The following MCC variants were observed in gnomAD, a reference collection of about 807,000 sequenced individuals.
The protein encoded by MCC is MCC regulator of Wnt signaling pathway.
A neutral mutation model predicts 116.2 loss-of-function variants in MCC; 90 were observed. The ratio of observed to expected loss-of-function variants is 0.77; its 90% CI spans 0.65 to 0.92. MCC has a LOEUF of 0.92. Ranked by LOEUF, MCC falls within the 40% of genes least tolerant of loss-of-function variation. MCC has a pLI of 0.00. For missense variants in MCC, 1,516 were observed against 1,312.2 expected (o/e 1.16, Z -2.40); for synonymous variants, 578 against 510.5 (o/e 1.13, Z -1.78).
At chr5:113,080,815 C>CAAAA (rs1236332931) in intron 11 of MCC, among the ~76,000 whole-genome samples, 8 of 110,738 alleles carry the variant, frequency 7.2e-5, no homozygotes, top group East Asian at 2.4e-4. Context: ...ACAACAACAA[C>CAAAA]AAAAAAAAAA....
chr5:113,050,747 T>A (rs1271825704), intron 15 of MCC, among the ~76,000 whole-genome samples: 1 of 152,080 alleles, frequency 6.6e-6, no homozygotes, highest in Non-Finnish European at 1.5e-5. Context: ...AAGAGAAACC[T>A]ATGGGTGCCA....
chr5:113,212,591 T>C (rs1290012260), intron 3 of MCC, among the ~76,000 whole-genome samples: 1 of 152,228 alleles, frequency 6.6e-6, no homozygotes, highest in Non-Finnish European at 1.5e-5. Flanking sequence ...TATTGTACAA[T>C]GCCAATATTG....
chr5:113,105,081 G>T (rs915448025), intron 6 of MCC, among the ~76,000 whole-genome samples: 5 of 152,184 alleles, frequency 3.3e-5, no homozygotes, highest in African/African-American at 9.6e-5. Flanking sequence ...AGACAATTTT[G>T]TTGGGAAGAA....
intron 1 of MCC, among the ~76,000 whole-genome samples, chr5:113,422,944 A>G (rs1379875345): frequency 1.3e-5 from 2 of 152,218 alleles, no homozygotes; most frequent in Non-Finnish European, 2.9e-5. Context: ...CCCATGACTC[A>G]TGGATTCTGT....
chr5:113,038,489 G>A (rs959155428), intron 17 of MCC, among the ~76,000 whole-genome samples: 3 of 152,066 alleles, frequency 2.0e-5, no homozygotes, highest in Non-Finnish European at 4.4e-5. Flanking sequence ...CATGGCGCTA[G>A]GAACCAAAAA....
At chr5:113,232,446 C>A (rs1272804237) in intron 3 of MCC, among the ~76,000 whole-genome samples, 1 of 152,042 alleles carries the variant, frequency 6.6e-6, no homozygotes, top group Non-Finnish European at 1.5e-5. Flanking sequence ...ATGTCCACAC[C>A]CTTGCCCAAG....
intron 8 of MCC, among the ~76,000 whole-genome samples, chr5:113,091,526 A>T (rs12513669): frequency 0.51 from 77,164 of 152,092 alleles, 22,444 homozygotes; most frequent in East Asian, 0.68. Context: ...TTAAAGAGAT[A>T]AGGGGAATAA....
intron 8 of MCC, among the ~76,000 whole-genome samples, chr5:113,089,482 C>T (rs770668324): frequency 5.3e-5 from 8 of 152,196 alleles, no homozygotes; most frequent in Non-Finnish European, 1.0e-4. Context: ...AAGAGCTCTA[C>T]TGATGGTTCA....
chr5:113,426,444 A>C (rs1414789376), intron 1 of MCC, among the ~76,000 whole-genome samples: 1 of 152,196 alleles, frequency 6.6e-6, no homozygotes, highest in African/African-American at 2.4e-5. Context: ...GTATCCACAC[A>C]ATGTAATAGT....
intron 3 of MCC, among the ~76,000 whole-genome samples, chr5:113,198,518 G>C (rs1762528312): frequency 6.8e-6 from 1 of 146,334 alleles, no homozygotes; most frequent in African/African-American, 2.6e-5. Flanking sequence ...AACATAGTGA[G>C]ACTCTGTCCC....
At chr5:113,133,860 T>C (rs1375312876) in intron 5 of MCC, among the ~76,000 whole-genome samples, 3 of 152,206 alleles carry the variant, frequency 2.0e-5, no homozygotes, top group Non-Finnish European at 4.4e-5. Flanking sequence ...TTTTGAATAC[T>C]TTTTCATTTA....
chr5:113,085,440 G>T, intron 8 of MCC, 130 bp from the exon 9 acceptor site: 2 of 823,304 alleles, frequency 2.4e-6, no homozygotes, highest in Non-Finnish European at 3.8e-6. Context: ...GGTTGGTTGA[G>T]TCCACATAAA....
At chr5:113,401,369 A>T (rs1051523197) in intron 1 of MCC, among the ~76,000 whole-genome samples, 2 of 152,062 alleles carry the variant, frequency 1.3e-5, no homozygotes, top group African/African-American at 2.4e-5. Context: ...GATAAAGCAA[A>T]ATTTTTCACT....
intron 5 of MCC, among the ~76,000 whole-genome samples, chr5:113,135,339 G>A (rs1261600016): frequency 1.3e-5 from 2 of 149,502 alleles, no homozygotes; most frequent in Non-Finnish European, 3.0e-5. Context: ...TGGATCACAA[G>A]GTCAGGAGAT....
At chr5:113,359,765 G>T (rs145980546) in intron 2 of MCC, among the ~76,000 whole-genome samples, 1 of 152,150 alleles carries the variant, frequency 6.6e-6, no homozygotes, top group Non-Finnish European at 1.5e-5. Flanking sequence ...AAATGAAGAG[G>T]TATTAAAGCA....
At chr5:113,476,837 C>T (rs746131537) in intron 1 of MCC, among the ~76,000 whole-genome samples, 15 of 152,212 alleles carry the variant, frequency 9.9e-5, no homozygotes, top group East Asian at 7.7e-4. Context: ...GATTGTTACA[C>T]GACTCTGAAT....
rs576783521 is a variant in MCC, at chr5:113,449,069, G to GA, written c.170+39175dup. On this transcript the variant is annotated intron_variant, in intron 1 of 18. Coordinates refer to ENST00000408903, the MANE Select transcript of MCC (RefSeq NM_001085377.2). Reference sequence around the variant, plus strand: ...CTGCCCAGTCTCTACTGGTCATCAGGAAAATCCTACAGAGGGCCAGCTGGC... The same window carrying GA: ...CTGCCCAGTCTCTACTGGTCATCAGGAAAAATCCTACAGAGGGCCAGCTGGC... 4.6e-5 allele frequency among the ~76,000 whole-genome samples: 7 copies of GA among 152,308 alleles called. No homozygotes were observed. The South Asian group carries it at 1.0e-3, about 23-fold the overall frequency.
At chr5:113,371,472 A>G (rs879563052) in intron 2 of MCC, among the ~76,000 whole-genome samples, 1 of 152,234 alleles carries the variant, frequency 6.6e-6, no homozygotes, top group Non-Finnish European at 1.5e-5. Context: ...AAAACACTAT[A>G]ATTATACAAA....
At chr5:113,267,303 C>A (rs1765458465) in intron 3 of MCC, among the ~76,000 whole-genome samples, 1 of 152,138 alleles carries the variant, frequency 6.6e-6, no homozygotes, top group African/African-American at 2.4e-5. Context: ...CAATTCACTC[C>A]TCTGCTACTA....
Sources: gnomAD v4.1 joint callset for allele counts (sites outside exome capture counted in the v4.1 genomes callset) on GRCh38, gnomAD v4.1.1 for gene constraint, MANE v1.5 for transcripts, NCBI Gene and HGNC (gene_info 2026-07-23, HGNC 2026-07-21) for gene names.